POLR2F: variants seen among roughly 807,000 people sequenced by gnomAD.
POLR2F encodes the protein RNA polymerase II, I and III subunit F.
In POLR2F, 12 loss-of-function variants were observed where a neutral mutation model predicts 22.7. The ratio of observed to expected loss-of-function variants is 0.53; its 90% CI spans 0.34 to 0.86. The LOEUF (loss-of-function observed/expected upper bound fraction) is 0.86. Among genes scored for constraint, POLR2F ranks in the 40% least tolerant of loss-of-function variants. The pLI, the probability that POLR2F is intolerant of heterozygous loss-of-function variation, is 0.02. For missense variants in POLR2F, 126 were observed against 171.5 expected (o/e 0.73, Z 1.48); for synonymous variants, 57 against 66.0 (o/e 0.86, Z 0.66).
At position 37,978,155 on chromosome 22, in the gene POLR2F, G is replaced by C; in HGVS notation, c.293+10985G>C. The C allele has an allele frequency of 6.5e-7, 1 of 1,532,322 alleles. No homozygotes were observed. Among genetic ancestry groups the C allele is most frequent in the Non-Finnish European group, 8.8e-7 (1 of 1,140,374 alleles). The allele number at this position is 1,532,322 out of a possible 1,614,324, so 94.9% of individuals were successfully genotyped here. On this transcript the variant is annotated intron_variant, in intron 4 of 4. Coordinates refer to the POLR2F transcript ENST00000405557. The surrounding 1 kb of genome is among the most constrained non-coding windows in gnomAD (Gnocchi z 5.0). ...AGCAGCCTGGGGTGTGGTGGGAGGCGGAGAGGACAGCAGAGGGGCTGGCGT... is the reference window on the plus strand; with the variant it reads ...AGCAGCCTGGGGTGTGGTGGGAGGCCGAGAGGACAGCAGAGGGGCTGGCGT...
chr22:37,986,113 C>T, upstream of POLR2F: 2 of 1,476,338 alleles, frequency 1.4e-6, no homozygotes, highest in South Asian at 2.6e-5. The surrounding 1 kb of genome is among the most constrained non-coding windows in gnomAD (Gnocchi z 4.7). Flanking sequence ...GAACGGCAAT[C>T]ATGTGATTAA....
rs1348330767 is a variant in POLR2F at position 37,986,256 on chromosome 22, C to T, written c.66C>T (p.Ala22=). 6.5e-7 allele frequency: 1 copy of T among 1,539,838 alleles called. No individual in the cohort carries two copies. Among genetic ancestry groups the T allele is most frequent in the Non-Finnish European group, 8.7e-7 (1 of 1,147,062 alleles). Residue 22 remains alanine, a synonymous_variant, in exon 1 of 3, where the codon GCC becomes GCT. Transcript: ENST00000333418. This position sits in a 1 kb window ranked among gnomAD's most constrained non-coding sequence, Gnocchi z 4.7. ...CGTGTCCCGGCTGCCCTGCAGTCGC[C>T]TCCAACACCCGCTGCTGCCCGCCCG...
chr22:37,976,437 A>T (rs1932222880), intron 4 of POLR2F, among the ~76,000 whole-genome samples: 1 of 152,090 alleles, frequency 6.6e-6, no homozygotes, highest in Non-Finnish European at 1.5e-5. Context: ...GAGGCCAGGG[A>T]CTGTAGGCTT....
chr22:38,023,318 G>C (rs1317538686), intron 1 of POLR2F, among the ~76,000 whole-genome samples: 9 of 152,182 alleles, frequency 5.9e-5, no homozygotes, highest in Admixed American at 5.9e-4. Flanking sequence ...CTGCTTGAAG[G>C]ACGTCAGTGA....
At chr22:38,028,573 T>C (rs1344355339), downstream of POLR2F, among the ~76,000 whole-genome samples, 2 of 152,130 alleles carry the variant, frequency 1.3e-5, no homozygotes, top group Non-Finnish European at 2.9e-5. Context: ...CATACGTGTG[T>C]GCATGAATGT....
chr22:38,019,976 T>C (rs1242390309), intron 1 of POLR2F, among the ~76,000 whole-genome samples: 1 of 151,886 alleles, frequency 6.6e-6, no homozygotes, highest in Non-Finnish European at 1.5e-5. Context: ...ATCGTGCTAT[T>C]GCACTCCAGC....
intron 1 of POLR2F, among the ~76,000 whole-genome samples, chr22:38,013,392 C>T (rs779960540): frequency 7.9e-5 from 12 of 152,150 alleles, no homozygotes; most frequent in Admixed American, 3.3e-4. Context: ...GTGATCCACC[C>T]ACCTTGGCCT....
downstream of POLR2F, among the ~76,000 whole-genome samples, chr22:38,030,815 G>C (rs1304167347): frequency 6.6e-6 from 1 of 152,148 alleles, no homozygotes; most frequent in Non-Finnish European, 1.5e-5. Flanking sequence ...GGAAGGCCTG[G>C]GGAGCGTGGT....
At chr22:38,028,497 TGTGTGC>T (rs1197398230), downstream of POLR2F, among the ~76,000 whole-genome samples, 3 of 152,014 alleles carry the variant, frequency 2.0e-5, no homozygotes, top group African/African-American at 7.3e-5. Context: ...TGCGTGTGTG[TGTGTGC>T]GTGTGCGTAC....
chr22:37,990,874 C>T (rs894186375), intron 1 of POLR2F, among the ~76,000 whole-genome samples: 1 of 152,252 alleles, frequency 6.6e-6, no homozygotes, highest in African/African-American at 2.4e-5. Flanking sequence ...CGTGCCTGAT[C>T]CAGTGTTTGC....
intron 1 of POLR2F, among the ~76,000 whole-genome samples, chr22:38,009,405 G>A (rs2084852416): frequency 3.3e-5 from 5 of 152,238 alleles, no homozygotes; most frequent in Admixed American, 3.3e-4. Context: ...GCGGGGGCCA[G>A]GGAGCTGGGG....
chr22:37,960,026 A>G, intron 3 of POLR2F, among the ~76,000 whole-genome samples: 1 of 152,012 alleles, frequency 6.6e-6, no homozygotes, highest in Non-Finnish European at 1.5e-5. Flanking sequence ...CTAGTCTCGA[A>G]CGCCTAGCTT....
At chr22:37,983,542 G>A, upstream of POLR2F, 2 of 1,610,342 alleles carry the variant, frequency 1.2e-6, no homozygotes, top group Non-Finnish European at 8.5e-7. This position sits in a 1 kb window ranked among gnomAD's most constrained non-coding sequence, Gnocchi z 9.5. Context: ...AGTCGTAGCC[G>A]CTGAGCACCT....
chr22:37,974,134 T>C, downstream of POLR2F: 1 of 1,609,542 alleles, frequency 6.2e-7, no homozygotes. This position sits in a 1 kb window ranked among gnomAD's most constrained non-coding sequence, Gnocchi z 5.4. Context: ...GCTTCGGGTC[T>C]GCCTTGCCCG....
In POLR2F at chr22:38,016,730, G is replaced by A. The variant is rs566560448; in HGVS notation, c.121-9139G>A. On this transcript the variant is annotated intron_variant, in intron 1 of 2. Coordinates refer to the POLR2F transcript ENST00000333418. This position sits in a 1 kb window ranked among gnomAD's most constrained non-coding sequence, Gnocchi z 4.4. ...GGTGGAAAGAGTGCTGGCACGCACC[G>A]CGGGGGGAGGGGGCGGGAGGGGGCC... Among the ~76,000 whole-genome samples the A allele has an allele frequency of 5.4e-4, 82 of 151,474 alleles. No individual in the cohort carries two copies. Among genetic ancestry groups the A allele is most frequent in the Admixed American group, 9.8e-4 (15 of 15,256 alleles).
intron 4 of POLR2F, among the ~76,000 whole-genome samples, chr22:37,976,122 C>T (rs1172363806): frequency 1.3e-5 from 2 of 152,148 alleles, no homozygotes; most frequent in African/African-American, 4.8e-5. Flanking sequence ...ACTTAGGAGG[C>T]TGAGGCACAA....
At position 38,005,145 on chromosome 22, in the gene POLR2F, T is replaced by C. The variant is rs778583927; in HGVS notation, c.120+18833T>C. ...GTTATGAGAACTCAGCGAGTAGATA[T>C]GCATGTCTTTTAGGTAGAAAGCACC... On this transcript the variant is annotated intron_variant, in intron 1 of 2. Transcript: ENST00000333418. Among the ~76,000 whole-genome samples the C allele has an allele frequency of 6.6e-5, 10 of 152,250 alleles. No individual in the cohort carries two copies. The East Asian group carries it at 1.2e-3, about 18-fold the overall frequency.
intron 1 of POLR2F, among the ~76,000 whole-genome samples, chr22:37,995,285 A>T (rs1313878786): frequency 6.6e-6 from 1 of 152,192 alleles, no homozygotes; most frequent in Non-Finnish European, 1.5e-5. Flanking sequence ...AGCACGCAGC[A>T]GATGCTCAAT....
At chr22:38,011,430 T>A (rs1395854444) in intron 1 of POLR2F, among the ~76,000 whole-genome samples, 1 of 151,982 alleles carries the variant, frequency 6.6e-6, no homozygotes, top group Non-Finnish European at 1.5e-5. Flanking sequence ...AATTAATTTT[T>A]AAAAATATGT....
Sources: gnomAD v4.1 joint callset for allele counts (sites outside exome capture counted in the v4.1 genomes callset) on GRCh38, gnomAD v4.1.1 for gene constraint, Gnocchi (gnomAD v3.1) non-coding constraint, MANE v1.5 for transcripts, NCBI Gene and HGNC (gene_info 2026-07-23, HGNC 2026-07-21) for gene names.